PPM1H: variants seen among roughly 807,000 people sequenced by gnomAD.
PPM1H encodes the protein protein phosphatase 1H.
Under a neutral mutation model 54.9 loss-of-function variants are expected in PPM1H, and 27 were observed. The ratio of observed to expected loss-of-function variants is 0.49; its 90% confidence interval spans 0.36 to 0.68. The LOEUF is 0.68. Ranked by LOEUF, PPM1H falls within the 30% of genes least tolerant of loss-of-function variation. PPM1H has a pLI of 0.00. For missense variants in PPM1H, 596 were observed against 667.8 expected (o/e 0.89, Z 1.19); for synonymous variants, 305 against 270.8 (o/e 1.13, Z -1.24).
intron 1 of PPM1H, among the ~76,000 whole-genome samples, chr12:62,932,204 C>T (rs1173411770): frequency 6.6e-6 from 1 of 151,388 alleles, no homozygotes. Flanking sequence ...TTGAATATCT[C>T]TCATGTTTTA....
rs1345394382 is a variant in PPM1H, at chr12:62,644,048, A to T, written c.*4441T>A. On this transcript the variant is annotated 3_prime_UTR_variant, in exon 10 of 10. Transcript: ENST00000228705. ...TTTTAAAATGTCATTGAACATATAC[A>T]TTTCTTTAGCTTTTTCCAGGGGACA... 2 of 152,190 alleles carry T rather than the reference A, an allele frequency of 1.3e-5. No individual in the cohort carries two copies. The highest frequency in any genetic ancestry group is 6.5e-5 in the Admixed American group (1 of 15,276). 9.4% of individuals were successfully genotyped at this position (152,190 alleles called of 1,614,324 possible).
chr12:62,701,371 C>A (rs1179729144), intron 6 of PPM1H, among the ~76,000 whole-genome samples: 2 of 152,288 alleles, frequency 1.3e-5, no homozygotes, highest in East Asian at 3.9e-4. Flanking sequence ...ACACCGAAGC[C>A]CTTTTACCCT....
chr12:62,661,829 G>A (rs533574375), intron 9 of PPM1H, among the ~76,000 whole-genome samples: 29 of 152,234 alleles, frequency 1.9e-4, no homozygotes, highest in African/African-American at 5.8e-4. Flanking sequence ...TCAGATTATA[G>A]GCACATGCCA....
chr12:62,866,126 G>A (rs1187821949), intron 1 of PPM1H, among the ~76,000 whole-genome samples: 1 of 152,172 alleles, frequency 6.6e-6, no homozygotes, highest in East Asian at 1.9e-4. Flanking sequence ...AAGAGGGAAA[G>A]CCAAGAGACT....
chr12:62,679,420 G>C (rs1010529425), intron 8 of PPM1H, among the ~76,000 whole-genome samples: 1 of 152,178 alleles, frequency 6.6e-6, no homozygotes, highest in African/African-American at 2.4e-5. Flanking sequence ...AGATATGCAG[G>C]ACTGGAGAGT....
intron 1 of PPM1H, among the ~76,000 whole-genome samples, chr12:62,877,712 C>A (rs1870227975): frequency 6.6e-6 from 1 of 152,114 alleles, no homozygotes; most frequent in Non-Finnish European, 1.5e-5. Context: ...CCTGGCACAG[C>A]CACACTGGGT....
At chr12:62,916,242 C>G (rs762126963) in intron 1 of PPM1H, among the ~76,000 whole-genome samples, 6 of 152,204 alleles carry the variant, frequency 3.9e-5, no homozygotes, top group Admixed American at 1.3e-4. Context: ...GGTTTTCTGT[C>G]AACCGAGCTG....
chr12:62,816,432 C>G (rs1397845493), intron 2 of PPM1H, among the ~76,000 whole-genome samples: 1 of 152,186 alleles, frequency 6.6e-6, no homozygotes, highest in African/African-American at 2.4e-5. Flanking sequence ...CACAGGCACA[C>G]TACATTTGGT....
chr12:62,857,781 C>A lies in PPM1H; in HGVS notation c.246-25502G>T, dbSNP rs543669625. ...ACCCTTGCTTGCTCTTTATACTAGC[C>A]CCTCATAACTCTGAACTTTATATTA... On this transcript the variant is annotated intron_variant, in intron 1 of 9. Transcript: ENST00000228705. Among the ~76,000 whole-genome samples the A allele has an allele frequency of 3.9e-5, 6 of 152,064 alleles. No homozygotes were observed. The East Asian group carries it at 1.2e-3, about 29-fold the overall frequency.
At chr12:62,672,659 T>C (rs1242536147) in intron 8 of PPM1H, among the ~76,000 whole-genome samples, 1 of 152,220 alleles carries the variant, frequency 6.6e-6, no homozygotes, top group Non-Finnish European at 1.5e-5. Flanking sequence ...GTCCATCTTA[T>C]CCTATCTGTT....
chr12:62,710,049 G>A (rs141556697), intron 6 of PPM1H, among the ~76,000 whole-genome samples: 2,441 of 152,154 alleles, frequency 0.016, 56 homozygotes, highest in Admixed American at 0.067. Flanking sequence ...ACTCCAGCCT[G>A]GGCAACAAGA....
intron 4 of PPM1H, among the ~76,000 whole-genome samples, chr12:62,762,048 A>G (rs1397824329): frequency 6.6e-6 from 1 of 152,212 alleles, no homozygotes; most frequent in Admixed American, 6.5e-5. Context: ...TCTTGGTAGC[A>G]CTGCCTTGCT....
rs60742123 is a variant in PPM1H, at chr12:62,734,132, A to AT, written c.954+3369dup. ...CATCCTTGTGCCTTCTGCCACATGA[A>AT]TTTTTTTTTTTTTTTTAAAGAAAAT... On this transcript the variant is annotated intron_variant, in intron 5 of 9. Coordinates refer to ENST00000228705, the MANE Select transcript of PPM1H (RefSeq NM_020700.2). Among the ~76,000 whole-genome samples the AT allele has an allele frequency of 6.6e-3, 943 of 142,492 alleles. 5 individuals are homozygous for AT. Among genetic ancestry groups the AT allele is most frequent in the African/African-American group, 0.019 (740 of 38,834 alleles). The allele number at this position is 142,492 out of a possible 152,430, so 93.5% of individuals were successfully genotyped here. A position where few individuals can be genotyped will look rare whatever the true frequency, so the allele number is the denominator to read the frequency against.
chr12:62,816,212 C>T (rs1027054564), intron 2 of PPM1H, among the ~76,000 whole-genome samples: 2 of 106,264 alleles, frequency 1.9e-5, no homozygotes, highest in African/African-American at 3.6e-5. Context: ...CTGCCTGGGT[C>T]GAATCAAGAT....
At chr12:62,871,704 C>T (rs545212792) in intron 1 of PPM1H, among the ~76,000 whole-genome samples, 1 of 151,886 alleles carries the variant, frequency 6.6e-6, no homozygotes, top group African/African-American at 2.4e-5. Context: ...TTGGTAGAGA[C>T]AGGGTTTTGC....
chr12:62,845,829 A>G (rs1868945475), intron 1 of PPM1H, among the ~76,000 whole-genome samples: 1 of 152,126 alleles, frequency 6.6e-6, no homozygotes, highest in Non-Finnish European at 1.5e-5. Context: ...CAAGCTGCCC[A>G]ACCCTATATT....
intron 2 of PPM1H, among the ~76,000 whole-genome samples, chr12:62,824,673 G>C (rs1868268789): frequency 6.6e-6 from 1 of 152,108 alleles, no homozygotes; most frequent in African/African-American, 2.4e-5. Flanking sequence ...TTTAATAAAT[G>C]GTGCTGCGAA....
intron 3 of PPM1H, among the ~76,000 whole-genome samples, chr12:62,792,444 A>T (rs2076706136): frequency 6.6e-6 from 1 of 152,242 alleles, no homozygotes; most frequent in African/African-American, 2.4e-5. Flanking sequence ...GAACTTAAGT[A>T]CTTTTTAATC....
intron 4 of PPM1H, among the ~76,000 whole-genome samples, chr12:62,777,983 A>T (rs1424722657): frequency 6.6e-6 from 1 of 152,190 alleles, no homozygotes; most frequent in African/African-American, 2.4e-5. Context: ...GAAAAATAAA[A>T]ATTAGCTTGG....
Sources: gnomAD v4.1 joint callset for allele counts (sites outside exome capture counted in the v4.1 genomes callset) on GRCh38, gnomAD v4.1.1 for gene constraint, MANE v1.5 for transcripts, NCBI Gene and HGNC (gene_info 2026-07-23, HGNC 2026-07-21) for gene names.